Variants in NLGN1 observed in about 807,000 individuals in gnomAD.
NLGN1 encodes neuroligin-1.
Under a neutral mutation model 65.5 loss-of-function variants are expected in NLGN1, and 12 were observed. The observed-to-expected ratio is 0.18, with a 90% CI of 0.12 to 0.30. The LOEUF (loss-of-function observed/expected upper bound fraction) is 0.30. Ranked by LOEUF, NLGN1 falls within the 10% of genes least tolerant of loss-of-function variation. The pLI, the probability that NLGN1 is intolerant of heterozygous loss-of-function variation, is 1.00. For missense variants in NLGN1, 750 were observed against 1,007.1 expected (o/e 0.74, Z 3.46); for synonymous variants, 350 against 359.5 (o/e 0.97, Z 0.30).
chr3:173,630,875 G>A (rs1180134775), intron 3 of NLGN1, among the ~76,000 whole-genome samples: 1 of 152,148 alleles, frequency 6.6e-6, no homozygotes, highest in Non-Finnish European at 1.5e-5. Flanking sequence ...TTTGGAAAAA[G>A]AGAGACTCTT....
chr3:173,519,487 G>C (rs751586834), intron 2 of NLGN1, among the ~76,000 whole-genome samples: 1 of 152,276 alleles, frequency 6.6e-6, no homozygotes, highest in African/African-American at 2.4e-5. Flanking sequence ...AGGCAGAGCT[G>C]TCCAAGGCTT....
intron 2 of NLGN1, among the ~76,000 whole-genome samples, chr3:173,475,023 T>A (rs537911648): frequency 6.6e-6 from 1 of 152,252 alleles, no homozygotes; most frequent in East Asian, 1.9e-4. Flanking sequence ...ATTCTGATAC[T>A]ATGAAATTTT....
At chr3:173,875,996 C>T (rs1732039320) in intron 4 of NLGN1, among the ~76,000 whole-genome samples, 1 of 151,460 alleles carries the variant, frequency 6.6e-6, no homozygotes, top group East Asian at 1.9e-4. Flanking sequence ...TTAAAAGCCT[C>T]TCAAAAAAAA....
intron 3 of NLGN1, among the ~76,000 whole-genome samples, chr3:173,620,626 C>A (rs1389427904): frequency 6.6e-6 from 1 of 151,868 alleles, no homozygotes. Flanking sequence ...CACTCATATG[C>A]CAGATAAAAG....
chr3:173,582,838 T>A (rs1193015898), intron 2 of NLGN1, among the ~76,000 whole-genome samples: 1 of 152,182 alleles, frequency 6.6e-6, no homozygotes, highest in Non-Finnish European at 1.5e-5. Flanking sequence ...TGTTCTCATC[T>A]ACCCAAAATC....
intron 1 of NLGN1, among the ~76,000 whole-genome samples, chr3:173,418,838 G>A (rs931284392): frequency 4.6e-5 from 7 of 151,812 alleles, no homozygotes; most frequent in African/African-American, 1.5e-4. Context: ...CATCCAAAAT[G>A]TGTTTTGTTA....
chr3:174,046,654 C>T (rs1336530924), intron 4 of NLGN1, among the ~76,000 whole-genome samples: 2 of 152,062 alleles, frequency 1.3e-5, no homozygotes, highest in African/African-American at 2.4e-5. Flanking sequence ...AGGATTATAC[C>T]TTGGAAGTAT....
At chr3:174,277,241 T>C (rs1048624846) in intron 5 of NLGN1, among the ~76,000 whole-genome samples, 17 of 152,014 alleles carry the variant, frequency 1.1e-4, no homozygotes, top group Admixed American at 8.5e-4. Context: ...TGATTCTGCC[T>C]CCAATGGAGC....
chr3:173,829,493 TCAAA>T (rs1722031392), intron 4 of NLGN1, among the ~76,000 whole-genome samples: 1 of 81,694 alleles, frequency 1.2e-5, no homozygotes, highest in Non-Finnish European at 3.3e-5. Flanking sequence ...ATTACCATAG[TCAAA>T]TTAATTAACT....
At chr3:173,738,086 T>A (rs1277456614) in intron 3 of NLGN1, among the ~76,000 whole-genome samples, 1 of 152,112 alleles carries the variant, frequency 6.6e-6, no homozygotes, top group African/African-American at 2.4e-5. Flanking sequence ...TTTGCCCATT[T>A]AAAATTTTTT....
intron 3 of NLGN1, among the ~76,000 whole-genome samples, chr3:173,668,898 A>C (rs1294685500): frequency 6.6e-6 from 1 of 152,166 alleles, no homozygotes; most frequent in Non-Finnish European, 1.5e-5. Flanking sequence ...TGCTGGGATT[A>C]CAGGCGTGAG....
intron 4 of NLGN1, among the ~76,000 whole-genome samples, chr3:174,142,592 C>T (rs557505765): frequency 5.5e-4 from 83 of 151,936 alleles, no homozygotes; most frequent in Non-Finnish European, 1.0e-3. Context: ...ACAGAGAATA[C>T]AAGCAAAGGC....
chr3:173,813,893 G>A lies in NLGN1; in HGVS notation c.646+6061G>A, dbSNP rs1560424579. On this transcript the variant is annotated intron_variant, in intron 4 of 6. Coordinates refer to ENST00000457714, the Ensembl canonical transcript of NLGN1. Reference sequence around the variant, plus strand: ...GGGTTGTATTTCTTCTATTTGAAACGTGACAATACAGGAATTGTGTGATAG... The same window carrying A: ...GGGTTGTATTTCTTCTATTTGAAACATGACAATACAGGAATTGTGTGATAG... 3.9e-5 allele frequency among the ~76,000 whole-genome samples: 6 copies of A among 152,308 alleles called. No individual in the cohort carries two copies. In the South Asian group the frequency reaches 8.3e-4, roughly 21 times the overall value.
At chr3:174,047,995 A>C (rs1269209910) in intron 4 of NLGN1, among the ~76,000 whole-genome samples, 1 of 152,060 alleles carries the variant, frequency 6.6e-6, no homozygotes, top group Non-Finnish European at 1.5e-5. Flanking sequence ...CCTTCTAGAA[A>C]GCAATTAAAG....
chr3:174,064,867 A>G (rs1034164001), intron 4 of NLGN1, among the ~76,000 whole-genome samples: 1 of 148,748 alleles, frequency 6.7e-6, no homozygotes, highest in African/African-American at 2.5e-5. Flanking sequence ...TAATACACAT[A>G]GTAAGTACTA....
Position 173,721,918 on chromosome 3 carries a change from AT to A in NLGN1, c.494-85761del, listed in dbSNP as rs140186832. ...CTGAGAAGGAAGTTGGTGTGACATG[AT>A]GGGCAACATGAATATCTGCTCGTAA... is the stretch of plus-strand genomic sequence containing the variant. On this transcript the variant is annotated intron_variant, in intron 3 of 6. Coordinates refer to ENST00000457714, the Ensembl canonical transcript of NLGN1. Among the ~76,000 whole-genome samples the A allele has an allele frequency of 2.6e-3, 382 of 144,374 alleles. 2 individuals are homozygous for A. Among genetic ancestry groups the A allele is most frequent in the African/African-American group, 9.6e-3 (374 of 38,800 alleles). The allele number at this position is 144,374 out of a possible 152,430, so 94.7% of individuals were successfully genotyped here. A position where few individuals can be genotyped will look rare whatever the true frequency, so the allele number is the denominator to read the frequency against.
intron 4 of NLGN1, among the ~76,000 whole-genome samples, chr3:173,887,810 ACTAT>A (rs1734635476): frequency 6.6e-6 from 1 of 152,014 alleles, no homozygotes; most frequent in East Asian, 1.9e-4. Flanking sequence ...GGTTTTTAAA[ACTAT>A]CAATCTGTAT....
intron 4 of NLGN1, among the ~76,000 whole-genome samples, chr3:174,245,815 C>G (rs1743679102): frequency 6.6e-6 from 1 of 152,088 alleles, no homozygotes; most frequent in Admixed American, 6.5e-5. Context: ...GACCTATAAC[C>G]AGCCTTGAAT....
At chr3:173,849,020 A>T (rs1726365297) in intron 4 of NLGN1, among the ~76,000 whole-genome samples, 1 of 152,106 alleles carries the variant, frequency 6.6e-6, no homozygotes, top group African/African-American at 2.4e-5. Flanking sequence ...AACCTTCTAA[A>T]ATCCATCAGA....
Sources: allele counts gnomAD v4.1 joint callset (sites outside exome capture counted in the v4.1 genomes callset), GRCh38; gene constraint gnomAD v4.1.1; transcripts MANE v1.5; gene names NCBI Gene and HGNC (gene_info 2026-07-23, HGNC 2026-07-21).